The following ZNF514 variants were observed in gnomAD, a reference collection of about 807,000 sequenced individuals.
ZNF514 encodes the protein zinc finger protein 514.
In ZNF514, 12 loss-of-function variants were observed where a neutral mutation model predicts 9.7. That is an observed-to-expected ratio of 1.24 (90% CI 0.79 to 2.01). The LOEUF (loss-of-function observed/expected upper bound fraction) is 2.01. ZNF514 is among the 30% of genes most tolerant of loss of function. The pLI is 0.00. For missense variants in ZNF514, 467 were observed against 465.5 expected (o/e 1.00, Z -0.03); for synonymous variants, 158 against 163.7 (o/e 0.97, Z 0.27).
chr2:95,130,654 A>G, the ZNF514 span, among the ~76,000 whole-genome samples: 2 of 152,264 alleles, frequency 1.3e-5, no homozygotes, highest in African/African-American at 4.8e-5. Context: ...GAAGGGAAAT[A>G]TAGCTCTGTT....
chr2:95,159,210 G>C lies in ZNF514; in HGVS notation c.-96+30C>G, dbSNP rs565206890. 364 of 228,028 alleles carry C rather than the reference G, an allele frequency of 1.6e-3. 1 individual carries two copies. Among genetic ancestry groups the C allele is most frequent in the African/African-American group, 8.3e-3 (353 of 42,540 alleles). The allele number at this position is 228,028 out of a possible 1,614,324, so 14.1% of individuals were successfully genotyped here. ...GCGGCGCACTGCTGCCCGGGGTCGTGCTCTTCCCTCGCCAAGTCCGGCCTC... is the reference window on the plus strand; with the variant it reads ...GCGGCGCACTGCTGCCCGGGGTCGTCCTCTTCCCTCGCCAAGTCCGGCCTC... On this transcript the variant is annotated intron_variant, in intron 1 of 4. Coordinates refer to ENST00000295208, the MANE Select transcript of ZNF514 (RefSeq NM_032788.3).
the ZNF514 span, among the ~76,000 whole-genome samples, chr2:95,136,435 T>TG: frequency 2.0e-5 from 3 of 151,874 alleles, no homozygotes; most frequent in Non-Finnish European, 2.9e-5. Context: ...TTAGTAGAGA[T>TG]GGGGTTTCAC....
intron 2 of ZNF514, chr2:95,154,829 A>T: frequency 6.6e-6 from 1 of 152,230 alleles, no homozygotes; most frequent in East Asian, 1.9e-4. Context: ...GCCCATTATC[A>T]GGGACCAAAT....
chr2:95,128,468 A>G, the ZNF514 span, among the ~76,000 whole-genome samples: 2 of 151,844 alleles, frequency 1.3e-5, no homozygotes, highest in Admixed American at 6.6e-5. Context: ...AGGCAGGAGA[A>G]TTGCTTGAAC....
At chr2:95,134,021 A>C in the ZNF514 span, among the ~76,000 whole-genome samples, 1 of 152,354 alleles carries the variant, frequency 6.6e-6, no homozygotes, top group South Asian at 2.1e-4. Context: ...TTTCCAAATA[A>C]AAATTTTAAT....
chr2:95,144,912 C>T (rs990129773), downstream of ZNF514, among the ~76,000 whole-genome samples: 3 of 151,440 alleles, frequency 2.0e-5, no homozygotes, highest in Non-Finnish European at 4.4e-5. Flanking sequence ...TATGTAACCA[C>T]ACACACACAC....
intron 1 of ZNF514, chr2:95,158,841 A>C (rs1673757473): frequency 7.8e-7 from 1 of 1,287,144 alleles, no homozygotes; most frequent in Non-Finnish European, 1.0e-6. Context: ...CACGGAAGGC[A>C]GATGAAGTAC....
chr2:95,135,573 C>T, the ZNF514 span, among the ~76,000 whole-genome samples: 1 of 151,824 alleles, frequency 6.6e-6, no homozygotes, highest in Non-Finnish European at 1.5e-5. Context: ...AGGCCCACAC[C>T]ACTATACCTG....
the ZNF514 span, among the ~76,000 whole-genome samples, chr2:95,130,591 G>A: frequency 1.3e-5 from 2 of 152,150 alleles, no homozygotes; most frequent in East Asian, 1.9e-4. Flanking sequence ...TCTCAGGGAC[G>A]TTCCATGCTG....
Position 95,149,913 on chromosome 2 carries a change from C to G in ZNF514, c.572G>C (p.Gly191Ala). The change falls in exon 5 of 5, where the codon GGA becomes GCA. Residue 191 changes from glycine (G) to alanine (A), a missense_variant. By Grantham distance (60) the Gly-to-Ala change is moderately conservative. Transcript: ENST00000295208. ...CDTEFRQTLG[G>A]NNSQRTHPEK... is the part of the protein sequence containing the mutation. The stretch of plus-strand genomic sequence containing the variant: ...TGGGTGGGTTCTCTGAGAGTTGTTT[C>G]CCCCTAAAGTCTGCCTGAATTCTGT... 1 of 1,614,164 alleles carries G rather than the reference C, an allele frequency of 6.2e-7. No homozygotes were observed.
At chr2:95,140,304 A>T (rs569810403), downstream of ZNF514, among the ~76,000 whole-genome samples, 16 of 152,150 alleles carry the variant, frequency 1.1e-4, no homozygotes, top group Admixed American at 9.2e-4. Flanking sequence ...TCCAGAAAAA[A>T]TTTTTTAACA....
the ZNF514 span, among the ~76,000 whole-genome samples, chr2:95,134,674 A>T: frequency 6.6e-6 from 1 of 152,168 alleles, no homozygotes; most frequent in African/African-American, 2.4e-5. Flanking sequence ...CCACTAATTT[A>T]ACTAAGAACC....
At position 95,149,686 on chromosome 2, in the gene ZNF514, T is replaced by TC. The variant is rs764197423; in HGVS notation, c.798dup (p.Arg267GlufsTer14). ...AGAGACGAACTCTGGCTGAAGGCTC[T>TC]CCCACATTCACTGCATTCATAGGGC... is the stretch of plus-strand genomic sequence containing the variant. On this transcript the variant is annotated frameshift_variant, in exon 5 of 5. Transcript: ENST00000295208. LOFTEE classifies it low-confidence loss of function (END_TRUNC). 4 of 1,614,122 alleles carry TC rather than the reference T, an allele frequency of 2.5e-6. No individual in the cohort carries two copies. The African/African-American group carries it at 5.3e-5, about 22-fold the overall frequency.
At chr2:95,131,523 T>C in the ZNF514 span, among the ~76,000 whole-genome samples, 1 of 152,186 alleles carries the variant, frequency 6.6e-6, no homozygotes, top group Non-Finnish European at 1.5e-5. Flanking sequence ...TCTCAGTACA[T>C]GTGAGTCATA....
the ZNF514 span, among the ~76,000 whole-genome samples, chr2:95,133,759 A>G: frequency 6.6e-6 from 1 of 152,196 alleles, no homozygotes; most frequent in Non-Finnish European, 1.5e-5. Flanking sequence ...TGCATGGGTT[A>G]TATGCAAATA....
At chr2:95,126,806 G>T in the ZNF514 span, among the ~76,000 whole-genome samples, 1 of 151,398 alleles carries the variant, frequency 6.6e-6, no homozygotes, top group Non-Finnish European at 1.5e-5. Context: ...GGATCTTGCT[G>T]TATCGCCCAG....
intron 1 of ZNF514, among the ~76,000 whole-genome samples, chr2:95,158,346 T>C (rs1206133520): frequency 6.6e-6 from 1 of 152,202 alleles, no homozygotes; most frequent in East Asian, 1.9e-4. Flanking sequence ...CAGTTATGTG[T>C]CCTTGAGCAT....
intron 4 of ZNF514, among the ~76,000 whole-genome samples, chr2:95,152,260 C>T (rs1218178323): frequency 1.3e-5 from 2 of 152,126 alleles, no homozygotes; most frequent in South Asian, 2.1e-4. Context: ...CCTGGATCTT[C>T]GTGACATCTT....
In ZNF514 at chr2:95,159,276, A is replaced by G. The variant is rs1003594702; in HGVS notation, c.-132T>C. On this transcript the variant is annotated 5_prime_UTR_variant, in exon 1 of 5. Coordinates refer to ENST00000295208, the MANE Select transcript of ZNF514 (RefSeq NM_032788.3). ...CTCCTCCTCAGGACCAGGCTCTGGA[A>G]CCCAGCTCCCACGTGGATCCACACG... is the stretch of plus-strand genomic sequence containing the variant. 6.0e-4 allele frequency: 105 copies of G among 173,788 alleles called. 2 individuals are homozygous for G. The highest frequency in any genetic ancestry group is 5.2e-3 in the Admixed American group (86 of 16,642). The allele number at this position is 173,788 out of a possible 1,614,324, so 10.8% of individuals were successfully genotyped here.
Sources: allele counts gnomAD v4.1 joint callset (sites outside exome capture counted in the v4.1 genomes callset), GRCh38; gene constraint gnomAD v4.1.1; transcripts MANE v1.5; gene names NCBI Gene and HGNC (gene_info 2026-07-23, HGNC 2026-07-21).